The following MED12L variants were observed in gnomAD, a reference collection of about 807,000 sequenced individuals.
MED12L encodes mediator of RNA polymerase II transcription subunit 12-like protein.
A neutral mutation model predicts 281.3 loss-of-function variants in MED12L; 60 were observed. The observed-to-expected ratio is 0.21, with a 90% CI of 0.17 to 0.26. The LOEUF (loss-of-function observed/expected upper bound fraction) is 0.26, where lower values mean the gene tolerates loss of function less well. MED12L is among the 10% of genes least tolerant of loss of function. MED12L has a pLI of 1.00. For missense variants in MED12L, 2,146 were observed against 2,680.9 expected (o/e 0.80, Z 4.41); for synonymous variants, 974 against 987.2 (o/e 0.99, Z 0.25).
intron 30 of MED12L, among the ~76,000 whole-genome samples, chr3:151,377,770 G>A (rs1184805484): frequency 6.6e-6 from 1 of 152,188 alleles, no homozygotes; most frequent in African/African-American, 2.4e-5. Context: ...AAACATTAAA[G>A]TCAGTTTAGT....
intron 5 of MED12L, among the ~76,000 whole-genome samples, chr3:151,151,085 G>A (rs1385666844): frequency 2.0e-5 from 2 of 99,048 alleles, no homozygotes; most frequent in Non-Finnish European, 3.8e-5. Context: ...TGCCCAGGCT[G>A]GAGTGCAGTG....
chr3:151,329,478 C>A (rs1263096252), intron 16 of MED12L: 20 of 1,537,708 alleles, frequency 1.3e-5, no homozygotes, highest in Non-Finnish European at 1.7e-5. Context: ...AATTGAAATT[C>A]ACCTTTGGGA....
intron 16 of MED12L, chr3:151,294,868 A>T: frequency 6.2e-7 from 1 of 1,614,116 alleles, no homozygotes. Context: ...CGATGGAAGT[A>T]TACATGTTTG....
At chr3:151,198,342 GTTTTT>G in intron 16 of MED12L, 1 of 693,216 alleles carries the variant, frequency 1.4e-6, no homozygotes, top group Non-Finnish European at 2.1e-6. Context: ...GTTTTTTTTT[GTTTTT>G]TTTTTTTTTA....
At chr3:151,169,081 AG>A (rs2148995876) in intron 11 of MED12L, among the ~76,000 whole-genome samples, 1 of 147,132 alleles carries the variant, frequency 6.8e-6, no homozygotes, top group East Asian at 2.0e-4. Flanking sequence ...ACTCCTTAAC[AG>A]GGGTTACTGT....
At chr3:151,319,486 T>TGTG (rs1184206242) in intron 16 of MED12L, among the ~76,000 whole-genome samples, 2 of 151,032 alleles carry the variant, frequency 1.3e-5, no homozygotes, top group Non-Finnish European at 3.0e-5. Context: ...TGTGTGTGTG[T>TGTG]GTGTGTGTGT....
intron 16 of MED12L, among the ~76,000 whole-genome samples, chr3:151,275,187 C>T (rs1741639011): frequency 6.6e-6 from 1 of 152,226 alleles, no homozygotes; most frequent in African/African-American, 2.4e-5. Context: ...GTGTATGATC[C>T]TGGAGAGTAT....
rs569422901 is a variant in MED12L, at chr3:151,261,986, C to T, written c.2250+68320C>T. ...AAGTGATTGACCCGCCTCGGCCTCC[C>T]AGTGTGCTAAGATTACAGGTATGTG... On this transcript the variant is annotated intron_variant, in intron 16 of 44. Transcript: ENST00000687756. 2.6e-5 allele frequency among the ~76,000 whole-genome samples: 4 copies of T among 152,140 alleles called. No homozygotes were observed. The South Asian group carries it at 8.3e-4, about 32-fold the overall frequency.
At chr3:151,339,431 TAAAA>T (rs3975402) in intron 16 of MED12L, among the ~76,000 whole-genome samples, 1 of 145,818 alleles carries the variant, frequency 6.9e-6, no homozygotes, top group African/African-American at 2.5e-5. Flanking sequence ...ACTGAATCAG[TAAAA>T]AAAAAAAAAG....
At chr3:151,367,546 T>G in intron 23 of MED12L, 100 bp from the exon 24 acceptor site, 77 of 1,059,184 alleles carry the variant, frequency 7.3e-5, no homozygotes, top group Non-Finnish European at 9.4e-5. Flanking sequence ...TGTTGGGATT[T>G]GAGATCTTAT....
At chr3:151,309,125 A>G (rs1747110113) in intron 16 of MED12L, among the ~76,000 whole-genome samples, 1 of 131,520 alleles carries the variant, frequency 7.6e-6, no homozygotes, top group Admixed American at 7.9e-5. Context: ...ACACGCACAC[A>G]CACACACACA....
intron 16 of MED12L, chr3:151,269,410 C>CACACACACAT (rs1740450644): frequency 8.4e-6 from 1 of 119,394 alleles, no homozygotes; most frequent in African/African-American, 2.7e-5. Context: ...CACACACACA[C>CACACACACAT]ACACACACAC....
At chr3:151,213,264 T>A (rs770946340) in intron 16 of MED12L, 1 of 1,489,154 alleles carries the variant, frequency 6.7e-7, no homozygotes, top group Non-Finnish European at 9.1e-7. Flanking sequence ...GATGACAACA[T>A]GCACACGTGG....
At chr3:151,392,668 CAT>C (rs1224488035) in intron 38 of MED12L, among the ~76,000 whole-genome samples, 3 of 152,016 alleles carry the variant, frequency 2.0e-5, no homozygotes, top group South Asian at 2.1e-4. Context: ...CATACAAAAA[CAT>C]ATGTATCTTT....
In MED12L at chr3:151,434,569, A is replaced by AT. The variant is rs1341323171; in HGVS notation, c.*1771dup. On this transcript the variant is annotated 3_prime_UTR_variant, in exon 45 of 45. Transcript: ENST00000687756. ...CATTTTTGCTGGTTTTGTATATCAG[A>AT]TTTTTTCCTCTCAAGAAACATACTT... 4 of 152,138 alleles carry AT rather than the reference A, an allele frequency of 2.6e-5. No homozygotes were observed. The highest frequency in any genetic ancestry group is 2.1e-4 in the South Asian group (1 of 4,836). The allele number at this position is 152,138 out of a possible 1,614,324, so 9.4% of individuals were successfully genotyped here. A position where few individuals can be genotyped will look rare whatever the true frequency, so the allele number is the denominator to read the frequency against.
intron 2 of MED12L, among the ~76,000 whole-genome samples, chr3:151,101,681 G>A (rs563065652): frequency 2.3e-3 from 319 of 141,566 alleles, no homozygotes; most frequent in African/African-American, 7.9e-3. Context: ...CTGGTGGAGC[G>A]TCTGCTGGAG....
At chr3:151,389,497 G>C (rs1470376042) in intron 37 of MED12L, among the ~76,000 whole-genome samples, 3 of 152,188 alleles carry the variant, frequency 2.0e-5, no homozygotes, top group Non-Finnish European at 2.9e-5. Flanking sequence ...GATGAGGGGA[G>C]TGTCTACTTC....
At chr3:151,174,597 A>G (rs1008248893) in intron 11 of MED12L, among the ~76,000 whole-genome samples, 1 of 152,256 alleles carries the variant, frequency 6.6e-6, no homozygotes, top group Non-Finnish European at 1.5e-5. Context: ...CCTAAAGACT[A>G]TCAACATTGA....
In MED12L at chr3:151,156,296, A is replaced by T; in HGVS notation, c.692A>T (p.Glu231Val). Residue 231 changes from glutamate (E) to valine (V), a missense_variant, in exon 6 of 45, where the codon GAA becomes GTA. Transcript: ENST00000687756. ...GTGGAGCAAGCCATGAAGCAATGGG[A>T]ATACAACGAAAAGCTAGCATTTCAC... ...PEVEQAMKQW[E>V]YNEKLAFHMF... is the part of the protein sequence containing the mutation. 1 of 1,611,758 alleles carries T rather than the reference A, an allele frequency of 6.2e-7. No individual in the cohort carries two copies. The highest frequency in any genetic ancestry group is 8.5e-7 in the Non-Finnish European group (1 of 1,179,116).
Sources: gnomAD v4.1 joint callset for allele counts (sites outside exome capture counted in the v4.1 genomes callset) on GRCh38, gnomAD v4.1.1 for gene constraint, MANE v1.5 for transcripts, NCBI Gene and HGNC (gene_info 2026-07-23, HGNC 2026-07-21) for gene names.